The following TRPC4 variants were observed in gnomAD, a reference collection of about 807,000 sequenced individuals.
The protein encoded by TRPC4 is transient receptor potential cation channel subfamily C member 4.
TRPC4 carries 49 observed loss-of-function variants against 99.4 expected under a neutral mutation model. That is an observed-to-expected ratio of 0.49 (90% CI 0.39 to 0.63). The LOEUF (loss-of-function observed/expected upper bound fraction) is 0.63, where lower values mean the gene tolerates loss of function less well. Among genes scored for constraint, TRPC4 ranks in the 20% least tolerant of loss-of-function variants. The pLI is 0.00. For synonymous variants in TRPC4, 454 were observed against 425.9 expected (o/e 1.07, Z -0.81); for missense variants, 898 against 1,152.9 (o/e 0.78, Z 3.20).
chr13:37,807,597 T>C (rs1016379158), intron 1 of TRPC4, among the ~76,000 whole-genome samples: 2 of 152,008 alleles, frequency 1.3e-5, no homozygotes, highest in Non-Finnish European at 2.9e-5. Context: ...TTCCTGTTCC[T>C]CTGTCACCTC....
chr13:37,782,652 G>A (rs545488962), intron 2 of TRPC4, among the ~76,000 whole-genome samples: 1 of 152,144 alleles, frequency 6.6e-6, no homozygotes, highest in African/African-American at 2.4e-5. Context: ...AGCAACCTAT[G>A]TTGAGCATTA....
chr13:37,817,046 A>G (rs977215395), intron 1 of TRPC4, among the ~76,000 whole-genome samples: 10 of 152,108 alleles, frequency 6.6e-5, no homozygotes, highest in African/African-American at 2.2e-4. Context: ...AGAAAGAAAT[A>G]AAAGGCATCC....
chr13:37,808,507 C>T (rs538460227), intron 1 of TRPC4, among the ~76,000 whole-genome samples: 1 of 152,038 alleles, frequency 6.6e-6, no homozygotes, highest in Non-Finnish European at 1.5e-5. Context: ...CACTTGATTG[C>T]TTCAACTATT....
chr13:37,845,287 A>G (rs1484664954), intron 1 of TRPC4, among the ~76,000 whole-genome samples: 1 of 152,112 alleles, frequency 6.6e-6, no homozygotes, highest in Non-Finnish European at 1.5e-5. Context: ...AAAGAAGTTA[A>G]TAAAGCTCTA....
intron 2 of TRPC4, among the ~76,000 whole-genome samples, chr13:37,762,797 G>A (rs1487260256): frequency 1.3e-5 from 2 of 149,678 alleles, no homozygotes; most frequent in Admixed American, 6.7e-5. Context: ...CAGCACACCA[G>A]CATGGCACAT....
At chr13:37,655,374 T>TAG in intron 6 of TRPC4, 91 bp from the exon 7 acceptor site, 1 of 404,014 alleles carries the variant, frequency 2.5e-6, no homozygotes, top group Non-Finnish European at 3.8e-6. Context: ...ATTATATATA[T>TAG]ATATATATAT....
intron 8 of TRPC4, among the ~76,000 whole-genome samples, chr13:37,643,716 T>A (rs1951790968): frequency 6.6e-6 from 1 of 152,170 alleles, no homozygotes; most frequent in African/African-American, 2.4e-5. Context: ...GAATTTCAGA[T>A]GGCACATGAA....
rs76369350 is a variant in TRPC4, at chr13:37,797,598, C to T, written c.-27-14238G>A. ...CTTTTAATTTTTTCCTCAGTCTTCTCATGTCCTTTGAATTTACCAGTCAAG... is the reference window on the plus strand; with the variant it reads ...CTTTTAATTTTTTCCTCAGTCTTCTTATGTCCTTTGAATTTACCAGTCAAG... On this transcript the variant is annotated intron_variant, in intron 1 of 10. Coordinates refer to ENST00000379705, the MANE Select transcript of TRPC4 (RefSeq NM_016179.4). Among the ~76,000 whole-genome samples, 1,180 of 152,266 alleles carry T rather than the reference C, an allele frequency of 7.7e-3. 16 individuals carry two copies. The East Asian group carries it at 0.09, about 12-fold the overall frequency.
chr13:37,706,566 G>A (rs1160755439), intron 3 of TRPC4, among the ~76,000 whole-genome samples: 1 of 151,950 alleles, frequency 6.6e-6, no homozygotes, highest in Non-Finnish European at 1.5e-5. Flanking sequence ...CCATGTTGGT[G>A]TGCTGCACCC....
chr13:37,838,510 C>G (rs1444312592), intron 1 of TRPC4, among the ~76,000 whole-genome samples: 1 of 152,144 alleles, frequency 6.6e-6, no homozygotes, highest in Non-Finnish European at 1.5e-5. Context: ...CTTGTTCACA[C>G]AGTCCATATA....
intron 5 of TRPC4, among the ~76,000 whole-genome samples, chr13:37,665,291 C>T (rs776786508): frequency 2.0e-5 from 3 of 152,112 alleles, no homozygotes; most frequent in African/African-American, 4.8e-5. Flanking sequence ...ATTCTATCAG[C>T]GATACAATTA....
intron 2 of TRPC4, among the ~76,000 whole-genome samples, 178 bp from the exon 3 acceptor site, chr13:37,746,633 A>G (rs1418167021): frequency 6.6e-6 from 1 of 151,806 alleles, no homozygotes; most frequent in African/African-American, 2.4e-5. Flanking sequence ...AAATTGGAAA[A>G]AAAAACTTTC....
At position 37,663,601 on chromosome 13, in the gene TRPC4, G is replaced by A. The variant is rs1224460423; in HGVS notation, c.1503C>T (p.His501=). 2 of 1,614,024 alleles carry A rather than the reference G, an allele frequency of 1.2e-6. No individual in the cohort carries two copies. The highest frequency in any genetic ancestry group is 2.7e-5 in the African/African-American group (2 of 74,910). ...CCAGAGATATTTGCAGAGGTCCCAG[G>A]TGAGAATTTGCAGTAAACAGTGAGA... The part of the protein sequence containing the change: ...RLISLFTANS[H]LGPLQISLGR... Residue 501 remains histidine, a synonymous_variant, in exon 6 of 11, where the codon CAC becomes CAT. Transcript: ENST00000379705.
chr13:37,833,050 A>G (rs1264870853), intron 1 of TRPC4, among the ~76,000 whole-genome samples: 1 of 151,990 alleles, frequency 6.6e-6, no homozygotes. Context: ...GCACTCTGCC[A>G]GTTCATAGTT....
At position 37,806,670 on chromosome 13, in the gene TRPC4, G is replaced by C. The variant is rs932445164; in HGVS notation, c.-27-23310C>G. ...TTATTAAGACCTCAAGTTGGGGCATGAAAGATTTTGTGCTTGGAAGTAAAC... is the reference window on the plus strand; with the variant it reads ...TTATTAAGACCTCAAGTTGGGGCATCAAAGATTTTGTGCTTGGAAGTAAAC... On this transcript the variant is annotated intron_variant, in intron 1 of 10. Coordinates refer to ENST00000379705, the MANE Select transcript of TRPC4 (RefSeq NM_016179.4). 2.0e-5 allele frequency among the ~76,000 whole-genome samples: 3 copies of C among 152,084 alleles called. No homozygotes were observed. The South Asian group carries it at 6.2e-4, about 31-fold the overall frequency.
At chr13:37,801,061 G>A (rs1957387787) in intron 1 of TRPC4, among the ~76,000 whole-genome samples, 1 of 151,898 alleles carries the variant, frequency 6.6e-6, no homozygotes, top group South Asian at 2.1e-4. Context: ...CTTTTGACAG[G>A]AAATATTTGA....
intron 6 of TRPC4, 31 bp downstream of exon 6, chr13:37,663,385 C>T (rs1372700470): frequency 1.9e-6 from 3 of 1,583,916 alleles, no homozygotes; most frequent in Admixed American, 3.5e-5. Context: ...TGCTGTACAA[C>T]ATTACCAGTA....
At chr13:37,857,618 C>A (rs1056569358) in intron 1 of TRPC4, among the ~76,000 whole-genome samples, 6 of 151,308 alleles carry the variant, frequency 4.0e-5, no homozygotes, top group Non-Finnish European at 8.9e-5. Context: ...ATCTACACAC[C>A]CACAGTGAAC....
chr13:37,742,946 A>C (rs1018435363), intron 3 of TRPC4, among the ~76,000 whole-genome samples: 3 of 152,188 alleles, frequency 2.0e-5, no homozygotes, highest in Non-Finnish European at 4.4e-5. Context: ...TCAGTTATCC[A>C]ATGTTATTTT....
Sources: allele counts gnomAD v4.1 joint callset (sites outside exome capture counted in the v4.1 genomes callset), GRCh38; gene constraint gnomAD v4.1.1; transcripts MANE v1.5; gene names NCBI Gene and HGNC (gene_info 2026-07-23, HGNC 2026-07-21).